The following DCBLD2 variants were observed in gnomAD, a reference collection of about 807,000 sequenced individuals.
DCBLD2 encodes the protein discoidin, CUB and LCCL domain-containing protein 2.
Under a neutral mutation model 86.8 loss-of-function variants are expected in DCBLD2, and 54 were observed. That is an observed-to-expected ratio of 0.62 (90% CI 0.50 to 0.78). The LOEUF is 0.78. Among genes scored for constraint, DCBLD2 ranks in the 30% least tolerant of loss-of-function variants. The pLI, the probability that DCBLD2 is intolerant of heterozygous loss-of-function variation, is 0.00. For missense variants in DCBLD2, 908 were observed against 954.2 expected (o/e 0.95, Z 0.64); for synonymous variants, 354 against 341.3 (o/e 1.04, Z -0.41).
intron 3 of DCBLD2, among the ~76,000 whole-genome samples, chr3:98,836,891 C>A (rs1409928733): frequency 6.6e-4 from 50 of 76,206 alleles, no homozygotes; most frequent in African/African-American, 2.4e-3. Flanking sequence ...CCACCTCCCT[C>A]CCGGAGGGGG....
At chr3:98,822,617 TA>T (rs1258563217) in intron 5 of DCBLD2, 51 bp downstream of exon 5, 7 of 1,496,940 alleles carry the variant, frequency 4.7e-6, no homozygotes, top group Admixed American at 4.6e-5. Flanking sequence ...TCTGGAGTTC[TA>T]AAAAAATAGA....
chr3:98,806,909 C>T (rs1447264653), intron 13 of DCBLD2, among the ~76,000 whole-genome samples: 4 of 152,268 alleles, frequency 2.6e-5, no homozygotes, highest in Admixed American at 2.6e-4. Context: ...TTCTCCCTTT[C>T]CTAGAATCAG....
chr3:98,833,745 G>A (rs1478569203), intron 3 of DCBLD2, among the ~76,000 whole-genome samples: 1 of 152,202 alleles, frequency 6.6e-6, no homozygotes, highest in African/African-American at 2.4e-5. Context: ...GTTCAGACCA[G>A]GCTTCAGTCC....
chr3:98,819,277 G>A lies in DCBLD2; in HGVS notation c.1012C>T (p.Pro338Ser). The A allele has an allele frequency of 2.5e-6, 4 of 1,612,996 alleles. No homozygotes were observed. The highest frequency in any genetic ancestry group is 3.4e-6 in the Non-Finnish European group (4 of 1,179,476). Residue 338 changes from proline to serine, a missense_variant, in exon 8 of 16, where the codon CCG becomes TCG. Physicochemically the swap from Pro to Ser is moderately conservative, Grantham distance 74. Transcript: ENST00000326840. ...PKKARLKKPG[P>S]PWAAFATDEY... ...TCAGTGGCAAAAGCAGCCCAAGGCGGTCCAGGTTTTTTCAGCCTGGCTTTT... is the reference window on the plus strand; with the variant it reads ...TCAGTGGCAAAAGCAGCCCAAGGCGATCCAGGTTTTTTCAGCCTGGCTTTT...
intron 9 of DCBLD2, among the ~76,000 whole-genome samples, chr3:98,817,115 G>T (rs950279612): frequency 2.0e-5 from 3 of 152,126 alleles, no homozygotes; most frequent in Admixed American, 6.5e-5. Flanking sequence ...TAGGCACAAG[G>T]ACTTCTCCAT....
chr3:98,845,480 A>C (rs138012921), intron 3 of DCBLD2, among the ~76,000 whole-genome samples: 30 of 152,332 alleles, frequency 2.0e-4, no homozygotes, highest in African/African-American at 6.7e-4. Flanking sequence ...AGTTACATTT[A>C]TAACGAGACC....
chr3:98,802,338 G>A (rs573793679), intron 13 of DCBLD2, among the ~76,000 whole-genome samples: 2 of 152,112 alleles, frequency 1.3e-5, no homozygotes, highest in East Asian at 3.8e-4. Context: ...GTGTTTGTTG[G>A]CTGCATAAAT....
Position 98,812,649 on chromosome 3 carries a change from T to G in DCBLD2, c.1213-167A>C. The G allele has an allele frequency of 7.6e-6, 4 of 525,762 alleles. No individual in the cohort carries two copies. In the South Asian group the frequency reaches 9.8e-5, roughly 13 times the overall value. 32.6% of individuals were successfully genotyped at this position (525,762 alleles called of 1,614,324 possible). A position where few individuals can be genotyped will look rare whatever the true frequency, so the allele number is the denominator to read the frequency against. On this transcript the variant is annotated intron_variant, in intron 9 of 15. Transcript: ENST00000326840. ...AAATAATCATAATTTGGAAAAATAT[T>G]AAGATGCTGCACATTTTTATCAAAA... is the stretch of plus-strand genomic sequence containing the variant.
intron 1 of DCBLD2, among the ~76,000 whole-genome samples, chr3:98,888,208 G>C (rs1264787676): frequency 3.9e-5 from 6 of 151,974 alleles, no homozygotes; most frequent in Admixed American, 1.3e-4. Flanking sequence ...CATGCATTCA[G>C]AGTCCAAAGA....
chr3:98,801,638 G>GT lies in DCBLD2; in HGVS notation c.1681dup (p.Thr561AsnfsTer2). The stretch of plus-strand genomic sequence containing the variant: ...GTAAGGTAAGTCATAGGTGCCTTCA[G>GT]TTTTTTTCTTTCTGGAAAAATACAG... On this transcript the variant is annotated frameshift_variant, in exon 14 of 16. Coordinates refer to ENST00000326840, the MANE Select transcript of DCBLD2 (RefSeq NM_080927.4). LOFTEE classifies it high-confidence loss of function. 6 of 1,607,380 alleles carry GT rather than the reference G, an allele frequency of 3.7e-6. No individual in the cohort carries two copies. The highest frequency in any genetic ancestry group is 5.1e-6 in the Non-Finnish European group (6 of 1,176,676).
At chr3:98,857,395 G>C (rs192966433) in intron 2 of DCBLD2, among the ~76,000 whole-genome samples, 1 of 151,886 alleles carries the variant, frequency 6.6e-6, no homozygotes, top group East Asian at 1.9e-4. Context: ...TGCTGGCTCC[G>C]GCAGCCTGCT....
chr3:98,866,728 A>G (rs1036642885), intron 2 of DCBLD2, among the ~76,000 whole-genome samples: 3 of 152,078 alleles, frequency 2.0e-5, no homozygotes, highest in African/African-American at 7.2e-5. Flanking sequence ...CCATTTGTCA[A>G]TTTTGGCTTT....
intron 3 of DCBLD2, among the ~76,000 whole-genome samples, chr3:98,838,056 C>G (rs1322076432): frequency 7.8e-4 from 102 of 130,534 alleles, no homozygotes; most frequent in African/African-American, 2.7e-3. Flanking sequence ...CTGACCCCCC[C>G]ACCTCCCTCC....
intron 2 of DCBLD2, among the ~76,000 whole-genome samples, chr3:98,876,412 T>TAAAAA (rs60681986): frequency 2.1e-5 from 1 of 47,534 alleles, no homozygotes; most frequent in African/African-American, 1.1e-4. Flanking sequence ...AGATAAAAAG[T>TAAAAA]AAAAAAAAAA....
chr3:98,838,671 G>C (rs150543684), intron 3 of DCBLD2, among the ~76,000 whole-genome samples: 1 of 151,996 alleles, frequency 6.6e-6, no homozygotes, highest in African/African-American at 2.4e-5. Context: ...CTGCAATCTC[G>C]GCACTTTGGG....
intron 2 of DCBLD2, among the ~76,000 whole-genome samples, chr3:98,878,640 C>T (rs745995994): frequency 2.0e-5 from 3 of 152,140 alleles, no homozygotes; most frequent in Non-Finnish European, 4.4e-5. Flanking sequence ...CTCTGCAATA[C>T]GTTAAGAAAC....
At chr3:98,816,868 A>G (rs1942032579) in intron 9 of DCBLD2, among the ~76,000 whole-genome samples, 1 of 151,962 alleles carries the variant, frequency 6.6e-6, no homozygotes, top group Admixed American at 6.6e-5. Context: ...TGCAGCCTCA[A>G]CCTCCTGGGT....
intron 1 of DCBLD2, among the ~76,000 whole-genome samples, chr3:98,887,155 G>C (rs1339647868): frequency 1.4e-5 from 2 of 147,994 alleles, no homozygotes; most frequent in African/African-American, 2.5e-5. Flanking sequence ...CAAAAATGGA[G>C]AGCAAAGGTT....
At chr3:98,890,594 A>G (rs1188906759) in intron 1 of DCBLD2, 1 of 151,994 alleles carries the variant, frequency 6.6e-6, no homozygotes, top group African/African-American at 2.4e-5. Context: ...CCAATGGAGA[A>G]TTTTCCATCC....
Sources: allele counts gnomAD v4.1 joint callset (sites outside exome capture counted in the v4.1 genomes callset), GRCh38; gene constraint gnomAD v4.1.1; transcripts MANE v1.5; gene names NCBI Gene and HGNC (gene_info 2026-07-23, HGNC 2026-07-21).